ERCC6L2: variants seen among roughly 807,000 people sequenced by gnomAD.
ERCC6L2 encodes DNA excision repair protein ERCC-6-like 2.
Under a neutral mutation model 132.0 loss-of-function variants are expected in ERCC6L2, and 77 were observed. The ratio of observed to expected loss-of-function variants is 0.58; its 90% CI spans 0.49 to 0.71. The LOEUF (loss-of-function observed/expected upper bound fraction) is 0.71, where lower values mean the gene tolerates loss of function less well. ERCC6L2 is among the 30% of genes least tolerant of loss of function. The pLI is 0.00. For synonymous variants in ERCC6L2, 583 were observed against 632.4 expected (o/e 0.92, Z 1.17); for missense variants, 1,542 against 1,837.6 (o/e 0.84, Z 2.94).
At chr9:95,926,928 AGAG>A (rs1830126889) in intron 9 of ERCC6L2, among the ~76,000 whole-genome samples, 1 of 152,098 alleles carries the variant, frequency 6.6e-6, no homozygotes, top group South Asian at 2.1e-4. Context: ...AAGTAGGGAA[AGAG>A]GAGTTTTGTG....
chr9:95,961,222 C>A lies in ERCC6L2; in HGVS notation c.1947+5209C>A, dbSNP rs192785805. ...CAGATGAGGTTAAGATGCGATCACA[C>A]TGGATGAGAGTGGTCCCTAATCCAT... On this transcript the variant is annotated intron_variant, in intron 13 of 18. Transcript: ENST00000653738. 6.8e-4 allele frequency among the ~76,000 whole-genome samples: 104 copies of A among 152,220 alleles called. 1 individual carries two copies. In the Middle Eastern group the frequency reaches 0.014, roughly 20 times the overall value.
Position 95,887,371 on chromosome 9 carries a change from C to T in ERCC6L2, c.471+6078C>T, listed in dbSNP as rs557115103. Among the ~76,000 whole-genome samples the T allele has an allele frequency of 2.9e-4, 44 of 152,300 alleles. No individual in the cohort carries two copies. The Middle Eastern group carries it at 0.01, about 35-fold the overall frequency. Reference sequence around the variant, plus strand: ...AATATAGTATTTGAAAGGTTTATCACAAGAGAAGAGCTCAAATTCATTGAA... The same window carrying T: ...AATATAGTATTTGAAAGGTTTATCATAAGAGAAGAGCTCAAATTCATTGAA... On this transcript the variant is annotated intron_variant, in intron 2 of 18. Coordinates refer to ENST00000653738, the MANE Select transcript of ERCC6L2 (RefSeq NM_020207.7).
intron 13 of ERCC6L2, 30 bp from the exon 14 acceptor site, chr9:95,966,532 C>G: frequency 7.0e-7 from 1 of 1,428,520 alleles, no homozygotes; most frequent in East Asian, 2.5e-5. Flanking sequence ...GCAAACACTT[C>G]AAAAATGTCT....
At chr9:95,958,919 G>A (rs960818180) in intron 13 of ERCC6L2, among the ~76,000 whole-genome samples, 192 of 151,448 alleles carry the variant, frequency 1.3e-3, no homozygotes, top group African/African-American at 4.6e-3. Flanking sequence ...TCACGGATAG[G>A]AAGAATCAAT....
chr9:95,962,554 G>A (rs1831956778), intron 13 of ERCC6L2, among the ~76,000 whole-genome samples: 1 of 152,188 alleles, frequency 6.6e-6, no homozygotes, highest in South Asian at 2.1e-4. Flanking sequence ...ATGTACTGAT[G>A]TGGCAAGATG....
intron 13 of ERCC6L2, among the ~76,000 whole-genome samples, chr9:95,962,179 GAAAAT>G (rs1455945091): frequency 6.6e-6 from 1 of 152,146 alleles, no homozygotes; most frequent in Non-Finnish European, 1.5e-5. Context: ...TCTAGAGATA[GAAAAT>G]AAAATAAGAC....
At position 96,016,923 on chromosome 9, in the gene ERCC6L2, T is replaced by C. The variant is rs1365014143; in HGVS notation, c.*3720T>C. ...AGGTTTTTTTGTGTGTTTGTTTGTTTGTTTGTTTGCATGTGAAGGATTTTT... is the reference window on the plus strand; with the variant it reads ...AGGTTTTTTTGTGTGTTTGTTTGTTCGTTTGTTTGCATGTGAAGGATTTTT... On this transcript the variant is annotated 3_prime_UTR_variant, in exon 19 of 19. Transcript: ENST00000653738. Among the ~76,000 whole-genome samples, 1 of 152,198 alleles carries C rather than the reference T, an allele frequency of 6.6e-6. No individual in the cohort carries two copies. The highest frequency in any genetic ancestry group is 2.4e-5 in the African/African-American group (1 of 41,428).
intron 19 of ERCC6L2, among the ~76,000 whole-genome samples, chr9:96,031,289 T>A (rs748677495): frequency 2.0e-5 from 3 of 152,162 alleles, no homozygotes; most frequent in Non-Finnish European, 4.4e-5. Context: ...TGTTTTGTTT[T>A]GTTTCTTTGG....
At chr9:95,955,029 C>T in intron 12 of ERCC6L2, 2 of 380,102 alleles carry the variant, frequency 5.3e-6, no homozygotes, top group Non-Finnish European at 1.1e-5. Flanking sequence ...GGCAGTATGG[C>T]CTTGCCCCGG....
intron 17 of ERCC6L2, among the ~76,000 whole-genome samples, chr9:96,001,186 A>G (rs151249578): frequency 2.6e-5 from 4 of 152,300 alleles, no homozygotes; most frequent in African/African-American, 9.6e-5. Context: ...GCGTGGACCC[A>G]AAGAGTGAGC....
intron 14 of ERCC6L2, chr9:95,967,221 C>G (rs879790403): frequency 1.3e-5 from 2 of 152,060 alleles, no homozygotes; most frequent in Non-Finnish European, 2.9e-5. Context: ...ATTCCTCAAA[C>G]AAAATATTTT....
At chr9:95,982,391 T>C (rs941891821) in intron 17 of ERCC6L2, among the ~76,000 whole-genome samples, 1 of 152,144 alleles carries the variant, frequency 6.6e-6, no homozygotes, top group African/African-American at 2.4e-5. Context: ...GATTGCAGTA[T>C]GTTTATACAG....
chr9:95,879,346 G>A (rs1009394464), intron 1 of ERCC6L2, among the ~76,000 whole-genome samples: 2 of 152,088 alleles, frequency 1.3e-5, no homozygotes, highest in Non-Finnish European at 2.9e-5. Flanking sequence ...TATAATATTT[G>A]GTGAATAATT....
intron 17 of ERCC6L2, among the ~76,000 whole-genome samples, chr9:95,984,325 GTA>G (rs746750743): frequency 1.1e-4 from 17 of 149,360 alleles, no homozygotes; most frequent in East Asian, 3.9e-4. Flanking sequence ...TATTATATGT[GTA>G]TATATATATG....
At chr9:95,948,493 A>C in intron 12 of ERCC6L2, among the ~76,000 whole-genome samples, 1 of 152,148 alleles carries the variant, frequency 6.6e-6, no homozygotes, top group East Asian at 1.9e-4. Flanking sequence ...TCTCTACTAA[A>C]ATTACTAAAA....
At chr9:95,934,106 G>A (rs955566590) in intron 11 of ERCC6L2, among the ~76,000 whole-genome samples, 2 of 152,152 alleles carry the variant, frequency 1.3e-5, no homozygotes, top group African/African-American at 4.8e-5. Context: ...AAGCCTCAGA[G>A]GAAAGCCTGA....
intron 13 of ERCC6L2, among the ~76,000 whole-genome samples, chr9:95,961,497 A>G (rs752479223): frequency 1.2e-4 from 19 of 152,192 alleles, no homozygotes; most frequent in Non-Finnish European, 2.4e-4. Flanking sequence ...ATAAATTTCT[A>G]TTGTTGTAAG....
At chr9:95,965,025 G>A (rs951192597) in intron 13 of ERCC6L2, among the ~76,000 whole-genome samples, 1 of 152,066 alleles carries the variant, frequency 6.6e-6, no homozygotes, top group African/African-American at 2.4e-5. Context: ...GTAGGTACCC[G>A]GGCTATCACT....
chr9:96,030,315 G>A (rs1054165984), intron 19 of ERCC6L2, among the ~76,000 whole-genome samples: 2 of 152,052 alleles, frequency 1.3e-5, no homozygotes, highest in African/African-American at 2.4e-5. Flanking sequence ...AGCCAGCAGC[G>A]GCAACACGCT....
Sources: gnomAD v4.1 joint callset for allele counts (sites outside exome capture counted in the v4.1 genomes callset) on GRCh38, gnomAD v4.1.1 for gene constraint, MANE v1.5 for transcripts, NCBI Gene and HGNC (gene_info 2026-07-23, HGNC 2026-07-21) for gene names.